Variants in TMPRSS15 observed in about 807,000 individuals in gnomAD.
The protein encoded by TMPRSS15 is transmembrane serine protease 15.
Under a neutral mutation model 125.3 loss-of-function variants are expected in TMPRSS15, and 128 were observed. The ratio of observed to expected loss-of-function variants is 1.02; its 90% CI spans 0.89 to 1.18. The LOEUF (loss-of-function observed/expected upper bound fraction) is 1.18, where lower values mean the gene tolerates loss of function less well. TMPRSS15 is among the 50% of genes most tolerant of loss of function. The pLI, the probability that TMPRSS15 is intolerant of heterozygous loss-of-function variation, is 0.00. For synonymous variants in TMPRSS15, 446 were observed against 423.2 expected (o/e 1.05, Z -0.66); for missense variants, 1,283 against 1,212.7 (o/e 1.06, Z -0.86).
rs898638369 is a variant in TMPRSS15 at position 18,315,268 on chromosome 21, G to C, written c.1922-12C>G. ...TGCCTTGCATGGCTCTATGGGGAAA[G>C]AATGTTTATTGTATAGGATAAAGAA... On this transcript the variant is annotated splice_polypyrimidine_tract_variant and intron_variant, in intron 16 of 24. Transcript: ENST00000284885. 1.3e-6 allele frequency: 2 copies of C among 1,594,802 alleles called. No homozygotes were observed. Among genetic ancestry groups the C allele is most frequent in the African/African-American group, 1.3e-5 (1 of 74,522 alleles).
At chr21:18,413,306 C>CT (rs1187783068) in intron 1 of TMPRSS15, among the ~76,000 whole-genome samples, 3 of 70,874 alleles carry the variant, frequency 4.2e-5, no homozygotes, top group South Asian at 5.8e-4. Flanking sequence ...TCTTTCTTTT[C>CT]TTTCTTTTCC....
At chr21:18,394,344 C>T (rs766170644) in intron 3 of TMPRSS15, among the ~76,000 whole-genome samples, 3 of 152,008 alleles carry the variant, frequency 2.0e-5, no homozygotes, top group Non-Finnish European at 4.4e-5. Flanking sequence ...CTAAAGATTA[C>T]AGAAACTACA....
At chr21:18,303,010 T>C (rs765114948) in intron 18 of TMPRSS15, among the ~76,000 whole-genome samples, 4 of 152,192 alleles carry the variant, frequency 2.6e-5, no homozygotes, top group Admixed American at 6.6e-5. Context: ...TAAGTACACA[T>C]GAGTGAAATT....
At chr21:18,297,550 G>A (rs911268260) in intron 19 of TMPRSS15, among the ~76,000 whole-genome samples, 184 bp downstream of exon 19, 2 of 152,240 alleles carry the variant, frequency 1.3e-5, no homozygotes, top group East Asian at 1.9e-4. Context: ...ATGTATTAGG[G>A]TTAGAAACTG....
rs949836435 is a variant in TMPRSS15 at position 18,269,325 on chromosome 21, T to C, written c.*644A>G. ...ATAAATAGGTAAAATTTATCTAATA[T>C]ACAATGACTATATCAGTTAATTTAT... is the stretch of plus-strand genomic sequence containing the variant. On this transcript the variant is annotated 3_prime_UTR_variant, in exon 25 of 25. Coordinates refer to ENST00000284885, the MANE Select transcript of TMPRSS15 (RefSeq NM_002772.3). The C allele has an allele frequency of 2.6e-5, 4 of 152,222 alleles. No homozygotes were observed. Among genetic ancestry groups the C allele is most frequent in the Non-Finnish European group, 4.4e-5 (3 of 68,046 alleles). 9.4% of individuals were successfully genotyped at this position (152,222 alleles called of 1,614,324 possible).
chr21:18,437,528 G>A (rs1171550472), intron 1 of TMPRSS15, among the ~76,000 whole-genome samples: 2 of 152,178 alleles, frequency 1.3e-5, no homozygotes, highest in Non-Finnish European at 2.9e-5. Context: ...TACCGTCAGA[G>A]TGAACAGGCA....
Position 18,269,180 on chromosome 21 carries a change from A to C in TMPRSS15, c.*789T>G, listed in dbSNP as rs1176586592. The C allele has an allele frequency of 6.6e-6, 1 of 152,180 alleles. No homozygotes were observed. Among genetic ancestry groups the C allele is most frequent in the Admixed American group, 6.6e-5 (1 of 15,260 alleles). The allele number at this position is 152,180 out of a possible 1,614,324, so 9.4% of individuals were successfully genotyped here. A position where few individuals can be genotyped will look rare whatever the true frequency, so the allele number is the denominator to read the frequency against. ...TGGGTGATTCAGCTGTGTCTAAATAAGTTTTCATATATTAGAAATATCCAC... is the reference window on the plus strand; with the variant it reads ...TGGGTGATTCAGCTGTGTCTAAATACGTTTTCATATATTAGAAATATCCAC... On this transcript the variant is annotated 3_prime_UTR_variant, in exon 25 of 25. Transcript: ENST00000284885.
intron 1 of TMPRSS15, among the ~76,000 whole-genome samples, chr21:18,402,213 T>C (rs1480863444): frequency 6.6e-6 from 1 of 152,164 alleles, no homozygotes; most frequent in African/African-American, 2.4e-5. Flanking sequence ...ACCCAACAAT[T>C]GTGAATTTAA....
At chr21:18,466,849 G>A (rs1055350776) in intron 1 of TMPRSS15, among the ~76,000 whole-genome samples, 1 of 152,268 alleles carries the variant, frequency 6.6e-6, no homozygotes, top group East Asian at 1.9e-4. Flanking sequence ...AAGACAGTCT[G>A]GAGATTCCTC....
chr21:18,464,500 A>G (rs1304022223), intron 1 of TMPRSS15, among the ~76,000 whole-genome samples: 1 of 152,186 alleles, frequency 6.6e-6, no homozygotes, highest in Non-Finnish European at 1.5e-5. Context: ...GTTTAACAAA[A>G]TAGATAGACT....
At chr21:18,474,509 CA>C (rs1012496597) in intron 1 of TMPRSS15, among the ~76,000 whole-genome samples, 5 of 152,150 alleles carry the variant, frequency 3.3e-5, no homozygotes, top group African/African-American at 1.2e-4. Context: ...AGGCTGGTCT[CA>C]AACTCCTGAC....
rs1004952969 is a variant in TMPRSS15, at chr21:18,453,020, T to C, written c.10+32779A>G. The stretch of plus-strand genomic sequence containing the variant: ...AATACTGCATTTTAACTATAAGGAC[T>C]GTTATACAGCATATTTCTAGAGCTT... On this transcript the variant is annotated intron_variant, in intron 1 of 7. Coordinates refer to the TMPRSS15 transcript ENST00000422787. Among the ~76,000 whole-genome samples the C allele has an allele frequency of 6.0e-4, 92 of 152,222 alleles. 1 individual carries two copies. The highest frequency in any genetic ancestry group is 2.2e-3 in the African/African-American group (91 of 41,454).
In TMPRSS15 at chr21:18,281,960, G is replaced by A. The variant is rs536009621; in HGVS notation, c.2487-739C>T. On this transcript the variant is annotated intron_variant, in intron 21 of 24. Transcript: ENST00000284885. ...AAAATACAAAAAATCAGCCGGGCGT[G>A]GTGGTGGGCGCCTGTAGTCCCAGCT... is the stretch of plus-strand genomic sequence containing the variant. 2.2e-4 allele frequency among the ~76,000 whole-genome samples: 33 copies of A among 151,790 alleles called. 1 individual carries two copies. Among genetic ancestry groups the A allele is most frequent in the Non-Finnish European group, 4.4e-4 (30 of 67,932 alleles).
Position 18,428,199 on chromosome 21 carries a change from G to C in TMPRSS15, c.11-29870C>G, listed in dbSNP as rs544688621. ...CAAATAAGATTTGACAATCTACTAT[G>C]CATAATTTTAAATTCAAATTTGACT... On this transcript the variant is annotated intron_variant, in intron 1 of 7. Coordinates refer to the TMPRSS15 transcript ENST00000422787. Among the ~76,000 whole-genome samples the C allele has an allele frequency of 1.5e-3, 224 of 152,088 alleles. 1 individual carries two copies. The highest frequency in any genetic ancestry group is 2.5e-3 in the Non-Finnish European group (172 of 67,910).
chr21:18,444,848 C>A (rs1424586883), intron 1 of TMPRSS15, among the ~76,000 whole-genome samples: 1 of 152,082 alleles, frequency 6.6e-6, no homozygotes, highest in African/African-American at 2.4e-5. Context: ...CCCAGTCTCC[C>A]CCTTACCTCC....
rs139886053 is a variant in TMPRSS15 at position 18,459,198 on chromosome 21, T to A, written c.10+26601A>T. Among the ~76,000 whole-genome samples the A allele has an allele frequency of 2.1e-3, 324 of 152,304 alleles. 2 individuals are homozygous for A. The highest frequency in any genetic ancestry group is 7.4e-3 in the African/African-American group (307 of 41,580). ...AGTTAATTTGATGCATTTATAAAAA[T>A]CAACTTATCTTATAAGGGTGCATCC... On this transcript the variant is annotated intron_variant, in intron 1 of 7. Coordinates refer to the TMPRSS15 transcript ENST00000422787.
chr21:18,305,653 T>TG (rs2146922651), intron 18 of TMPRSS15, among the ~76,000 whole-genome samples: 1 of 152,300 alleles, frequency 6.6e-6, no homozygotes, highest in East Asian at 1.9e-4. Context: ...CAAGAGCTGG[T>TG]GTAGCTGCTG....
chr21:18,434,593 T>C (rs2076223866), intron 1 of TMPRSS15, among the ~76,000 whole-genome samples: 2 of 152,096 alleles, frequency 1.3e-5, no homozygotes, highest in Admixed American at 1.3e-4. Flanking sequence ...AGAACAATTA[T>C]TATAGTTTGG....
chr21:18,294,135 T>A (rs1052610590), intron 21 of TMPRSS15, 135 bp downstream of exon 21: 25 of 1,039,510 alleles, frequency 2.4e-5, no homozygotes, highest in Non-Finnish European at 3.6e-5. Flanking sequence ...GGGAAAATAA[T>A]TGGAATGTTT....
Sources: allele counts gnomAD v4.1 joint callset (sites outside exome capture counted in the v4.1 genomes callset), GRCh38; gene constraint gnomAD v4.1.1; transcripts MANE v1.5; gene names NCBI Gene and HGNC (gene_info 2026-07-23, HGNC 2026-07-21).